Variants in DEPTOR observed in about 807,000 individuals in gnomAD.
DEPTOR encodes DEP domain containing MTOR interacting protein.
In DEPTOR, 41 loss-of-function variants were observed where a neutral mutation model predicts 41.6. The ratio of observed to expected loss-of-function variants is 0.98; its 90% CI spans 0.77 to 1.28. The LOEUF (loss-of-function observed/expected upper bound fraction) is 1.28. DEPTOR is among the 50% of genes most tolerant of loss of function. The probability of loss-of-function intolerance (pLI) is 0.00; values close to 1 mark genes in which losing one functional copy is unlikely to be tolerated. For synonymous variants in DEPTOR, 195 were observed against 192.3 expected, an observed-to-expected ratio of 1.01 and a Z score of -0.12; for missense variants, 514 against 527.9, an observed-to-expected ratio of 0.97 and a Z score of 0.26.
chr8:120,012,069 A>AG (rs1255126197), intron 8 of DEPTOR, among the ~76,000 whole-genome samples: 3 of 152,198 alleles, frequency 2.0e-5, no homozygotes, highest in Non-Finnish European at 4.4e-5. Flanking sequence ...ACCTGGCAGG[A>AG]GGAAAAAAAA....
chr8:119,975,562 G>T lies in DEPTOR; in HGVS notation c.604+10152G>T, dbSNP rs1033541676. Among the ~76,000 whole-genome samples the T allele has an allele frequency of 3.3e-5, 5 of 152,120 alleles. No homozygotes were observed. In the East Asian group the frequency reaches 5.8e-4, roughly 18 times the overall value. On this transcript the variant is annotated intron_variant, in intron 4 of 8. Coordinates refer to ENST00000286234, the MANE Select transcript of DEPTOR (RefSeq NM_022783.4). ...GCAGAGAGATTCTTGCTCAAGACAG[G>T]CCAAGGACTTAGAAATCAAAGGTGG...
At chr8:119,909,546 G>A (rs991456480) in intron 1 of DEPTOR, among the ~76,000 whole-genome samples, 1 of 152,172 alleles carries the variant, frequency 6.6e-6, no homozygotes, top group African/African-American at 2.4e-5. Flanking sequence ...CCTTTAGGGT[G>A]GCATGAAAGG....
chr8:120,012,049 A>G (rs1337628663), intron 8 of DEPTOR, among the ~76,000 whole-genome samples: 3 of 151,964 alleles, frequency 2.0e-5, no homozygotes, highest in Non-Finnish European at 4.4e-5. Flanking sequence ...CATATTGAAA[A>G]CTCTGACAAA....
At chr8:119,999,842 G>A (rs1446049375) in intron 4 of DEPTOR, among the ~76,000 whole-genome samples, 1 of 152,150 alleles carries the variant, frequency 6.6e-6, no homozygotes, top group Non-Finnish European at 1.5e-5. Context: ...CCATAGAGGG[G>A]AAACACAGGG....
chr8:119,898,058 A>C (rs1386534586), intron 1 of DEPTOR, among the ~76,000 whole-genome samples: 1 of 152,244 alleles, frequency 6.6e-6, no homozygotes, highest in Non-Finnish European at 1.5e-5. Context: ...GGGATAGGCA[A>C]CAACTATGGC....
chr8:119,953,076 C>T (rs1828374074), intron 3 of DEPTOR, among the ~76,000 whole-genome samples: 1 of 152,160 alleles, frequency 6.6e-6, no homozygotes, highest in South Asian at 2.1e-4. Flanking sequence ...TATCAATGCT[C>T]ATGTGAGCAT....
chr8:120,028,306 C>A (rs1275830307), intron 8 of DEPTOR, among the ~76,000 whole-genome samples: 1 of 151,744 alleles, frequency 6.6e-6, no homozygotes, highest in African/African-American at 2.4e-5. Context: ...CAGACATGAG[C>A]CACTACGCCT....
intron 3 of DEPTOR, among the ~76,000 whole-genome samples, chr8:119,961,046 T>C (rs1458112362): frequency 6.6e-6 from 1 of 151,858 alleles, no homozygotes; most frequent in Non-Finnish European, 1.5e-5. Context: ...AGTGACTCAC[T>C]GGGATAAACT....
chr8:119,928,560 CG>C lies in DEPTOR; in HGVS notation c.287del (p.Gly96AlafsTer35). The C allele has an allele frequency of 6.2e-7, 1 of 1,613,874 alleles. No individual in the cohort carries two copies. On this transcript the variant is annotated frameshift_variant, in exon 2 of 9. Transcript: ENST00000286234. LOFTEE classifies it high-confidence loss of function. ...AIKLMQKLADRGIIHHVCDEH... is the reference protein window; with the variant it reads ...AIKLMQKLADXGIIHHVCDEH... ...TAAACTCATGCAGAAATTAGCAGAC[CG>C]GGGCATTATTCACCATGGTGAGTGC... is the stretch of plus-strand genomic sequence containing the variant.
intron 1 of DEPTOR, among the ~76,000 whole-genome samples, chr8:119,894,384 T>TTTTTTTTATTTATTTATTTA (rs1554671411): frequency 2.2e-3 from 103 of 46,484 alleles, no homozygotes; most frequent in Admixed American, 4.0e-3. Context: ...AATAGTTCTT[T>TTTTTTTTATTTATTTATTTA]TTTATTTATT....
intron 3 of DEPTOR, 68 bp downstream of exon 3, chr8:119,930,006 A>C: frequency 2.2e-5 from 33 of 1,507,652 alleles, no homozygotes; most frequent in African/African-American, 2.8e-5. Context: ...TGCCAGTCTC[A>C]TTATGTTGAT....
chr8:119,921,734 G>A (rs573797473), intron 1 of DEPTOR, among the ~76,000 whole-genome samples: 11 of 150,272 alleles, frequency 7.3e-5, no homozygotes, highest in South Asian at 4.3e-4. Context: ...GTAACTGAAA[G>A]GTTCTATTCT....
At chr8:119,930,290 G>T (rs1364752537) in intron 3 of DEPTOR, among the ~76,000 whole-genome samples, 2 of 152,118 alleles carry the variant, frequency 1.3e-5, no homozygotes. Context: ...AGGCTGGAGT[G>T]CAGTGGCATG....
chr8:120,050,566 GC>G lies in DEPTOR; in HGVS notation c.*863del, dbSNP rs1813221510. 1 of 152,144 alleles carries G rather than the reference GC, an allele frequency of 6.6e-6. No homozygotes were observed. Among genetic ancestry groups the G allele is most frequent in the South Asian group, 2.1e-4 (1 of 4,836 alleles). The allele number at this position is 152,144 out of a possible 1,614,324, so 9.4% of individuals were successfully genotyped here. A position where few individuals can be genotyped will look rare whatever the true frequency, so the allele number is the denominator to read the frequency against. On this transcript the variant is annotated 3_prime_UTR_variant, in exon 9 of 9. Coordinates refer to ENST00000286234, the MANE Select transcript of DEPTOR (RefSeq NM_022783.4). ...GTTTTTAAGGGAAGGCTAAAACTTT[GC>G]TGATATGTGATAAAACTTGAACTCT...
rs762931133 is a variant in DEPTOR at position 119,929,849 on chromosome 8, ACT to A, written c.339_340del (p.Phe114LeufsTer4). The stretch of plus-strand genomic sequence containing the variant: ...AGCATAAGGAATTCAAGGATGTCAA[ACT>A]CTTCTACCGCTTTAGAAAGGATGAC... ...DEHKEFKDVK[L>X]FYRFRKDDGT... On this transcript the variant is annotated frameshift_variant, in exon 3 of 9. Coordinates refer to ENST00000286234, the MANE Select transcript of DEPTOR (RefSeq NM_022783.4). LOFTEE classifies it high-confidence loss of function. 36 of 1,613,316 alleles carry A rather than the reference ACT, an allele frequency of 2.2e-5. No homozygotes were observed. The South Asian group carries it at 4.0e-4, about 18-fold the overall frequency.
At chr8:119,950,497 C>G (rs972890454) in intron 3 of DEPTOR, among the ~76,000 whole-genome samples, 1 of 152,036 alleles carries the variant, frequency 6.6e-6, no homozygotes, top group African/African-American at 2.4e-5. Context: ...CTCACTGCAG[C>G]CTTCACCTCC....
intron 8 of DEPTOR, among the ~76,000 whole-genome samples, chr8:120,046,041 A>C (rs889944174): frequency 3.3e-5 from 5 of 152,256 alleles, no homozygotes; most frequent in African/African-American, 7.2e-5. Flanking sequence ...AGAGGTGCAC[A>C]GGACCCCATC....
chr8:119,981,187 G>A (rs979072095), intron 4 of DEPTOR, among the ~76,000 whole-genome samples: 3 of 152,086 alleles, frequency 2.0e-5, no homozygotes, highest in Non-Finnish European at 4.4e-5. Flanking sequence ...CTAAAGAATC[G>A]AAACAATGTC....
chr8:119,933,226 A>C (rs1293955178), intron 3 of DEPTOR, among the ~76,000 whole-genome samples: 1 of 152,022 alleles, frequency 6.6e-6, no homozygotes, highest in Non-Finnish European at 1.5e-5. Context: ...GTGGTGGCTC[A>C]TGCCTGTAAT....
Sources: allele counts gnomAD v4.1 joint callset (sites outside exome capture counted in the v4.1 genomes callset), GRCh38; gene constraint gnomAD v4.1.1; transcripts MANE v1.5; gene names NCBI Gene and HGNC (gene_info 2026-07-23, HGNC 2026-07-21).